Variants in SYT1 observed in about 807,000 individuals in gnomAD.
SYT1 encodes the protein synaptotagmin 1.
SYT1 carries 8 observed loss-of-function variants against 44.8 expected under a neutral mutation model. The ratio of observed to expected loss-of-function variants is 0.18; its 90% CI spans 0.10 to 0.32. The LOEUF (loss-of-function observed/expected upper bound fraction) is 0.32. SYT1 is among the 10% of genes least tolerant of loss of function. The pLI, the probability that SYT1 is intolerant of heterozygous loss-of-function variation, is 1.00. For synonymous variants in SYT1, 154 were observed against 188.8 expected, an observed-to-expected ratio of 0.82 and a Z score of 1.51; for missense variants, 286 against 509.3, an observed-to-expected ratio of 0.56 and a Z score of 4.22.
chr12:78,971,110 G>C (rs1868368505), intron 1 of SYT1, among the ~76,000 whole-genome samples: 1 of 152,162 alleles, frequency 6.6e-6, no homozygotes, highest in Non-Finnish European at 1.5e-5. Flanking sequence ...GTTGCAGTGA[G>C]TTGAGATTGC....
intron 1 of SYT1, among the ~76,000 whole-genome samples, chr12:78,889,737 A>G (rs1322037574): frequency 1.3e-5 from 2 of 152,008 alleles, no homozygotes; most frequent in Non-Finnish European, 2.9e-5. Flanking sequence ...GACTAATACA[A>G]TGATACATTG....
intron 2 of SYT1, among the ~76,000 whole-genome samples, chr12:79,040,212 TG>T (rs1873450238): frequency 6.6e-6 from 1 of 151,282 alleles, no homozygotes; most frequent in Non-Finnish European, 1.5e-5. Context: ...ACTTCCACAA[TG>T]GTTGAACTAG....
At position 79,424,953 on chromosome 12, in the gene SYT1, C is replaced by CTTTT. The variant is rs398040025; in HGVS notation, c.929-19104_929-19101dup. Among the ~76,000 whole-genome samples the CTTTT allele has an allele frequency of 7.1e-3, 608 of 85,178 alleles. 10 individuals are homozygous for CTTTT. The highest frequency in any genetic ancestry group is 0.018 in the African/African-American group (385 of 21,586). The allele number at this position is 85,178 out of a possible 152,430, so 55.9% of individuals were successfully genotyped here. A position where few individuals can be genotyped will look rare whatever the true frequency, so the allele number is the denominator to read the frequency against. On this transcript the variant is annotated intron_variant, in intron 9 of 10. Transcript: ENST00000261205. Reference sequence around the variant, plus strand: ...TGTTTTGCTTTTGATTTTTCTTCTTCTTTTTTTTTTTTTTTTTTTGAGACA... The same window carrying CTTTT: ...TGTTTTGCTTTTGATTTTTCTTCTTCTTTTTTTTTTTTTTTTTTTTTTTGAGACA...
intron 4 of SYT1, among the ~76,000 whole-genome samples, chr12:79,266,160 G>T (rs972177273): frequency 6.6e-6 from 1 of 152,072 alleles, no homozygotes; most frequent in Non-Finnish European, 1.5e-5. Flanking sequence ...TAAAGACTTA[G>T]CATGTACTTA....
chr12:79,312,919 A>G (rs1880882637), intron 8 of SYT1, among the ~76,000 whole-genome samples: 1 of 152,160 alleles, frequency 6.6e-6, no homozygotes, highest in African/African-American at 2.4e-5. Flanking sequence ...TGCTGCTACA[A>G]ATTAAAACCC....
intron 4 of SYT1, among the ~76,000 whole-genome samples, chr12:79,244,638 A>G (rs963378098): frequency 6.6e-6 from 1 of 150,912 alleles, no homozygotes; most frequent in African/African-American, 2.4e-5. Flanking sequence ...CAGGAGGCAG[A>G]GGTTGCAGTG....
chr12:79,450,635 A>G lies in SYT1; in HGVS notation c.*1511A>G, dbSNP rs996979663. On this transcript the variant is annotated 3_prime_UTR_variant, in exon 11 of 11. Transcript: ENST00000261205. ...TAGTTTCCTCAGTGGATAGCACTCA[A>G]TTTATTCCGTAGTGATATTGTAACA... 1.3e-5 allele frequency: 2 copies of G among 152,650 alleles called. No homozygotes were observed. The highest frequency in any genetic ancestry group is 2.9e-5 in the Non-Finnish European group (2 of 68,050). The allele number at this position is 152,650 out of a possible 1,614,324, so 9.5% of individuals were successfully genotyped here.
chr12:78,913,829 C>T (rs1876486456), intron 1 of SYT1, among the ~76,000 whole-genome samples: 1 of 151,838 alleles, frequency 6.6e-6, no homozygotes, highest in Non-Finnish European at 1.5e-5. Flanking sequence ...TCACTAGTCA[C>T]ATACATGGGG....
At chr12:79,275,400 A>G (rs1009705933) in intron 4 of SYT1, among the ~76,000 whole-genome samples, 2 of 152,090 alleles carry the variant, frequency 1.3e-5, no homozygotes, top group Non-Finnish European at 2.9e-5. Flanking sequence ...TTTCTGGAAC[A>G]TTTGGGGGTG....
At chr12:79,144,845 AT>A (rs1869778222) in intron 3 of SYT1, among the ~76,000 whole-genome samples, 1 of 152,210 alleles carries the variant, frequency 6.6e-6, no homozygotes. Flanking sequence ...GTTTCATCCT[AT>A]TTAGCTATAG....
intron 1 of SYT1, among the ~76,000 whole-genome samples, chr12:78,879,597 G>A (rs1027072587): frequency 3.8e-4 from 57 of 151,792 alleles, no homozygotes; most frequent in South Asian, 1.7e-3. Flanking sequence ...TGTTTCATAT[G>A]TCTCTCATTT....
chr12:79,056,178 C>G (rs187271429), intron 3 of SYT1, among the ~76,000 whole-genome samples: 8 of 151,956 alleles, frequency 5.3e-5, no homozygotes, highest in Non-Finnish European at 1.2e-4. Flanking sequence ...TCAGGATGTA[C>G]CCCTGTTGTT....
intron 3 of SYT1, among the ~76,000 whole-genome samples, chr12:79,133,017 C>T (rs1287272825): frequency 6.6e-6 from 1 of 152,090 alleles, no homozygotes; most frequent in African/African-American, 2.4e-5. Flanking sequence ...CACATGTTCT[C>T]ACTCATATGT....
At chr12:79,443,491 T>C (rs956039152) in intron 9 of SYT1, among the ~76,000 whole-genome samples, 4 of 152,226 alleles carry the variant, frequency 2.6e-5, no homozygotes, top group Admixed American at 2.0e-4. Context: ...TGAAGTTTCA[T>C]TGTGAAGACA....
At chr12:79,329,714 A>G (rs1881772023) in intron 8 of SYT1, among the ~76,000 whole-genome samples, 1 of 152,188 alleles carries the variant, frequency 6.6e-6, no homozygotes, top group Admixed American at 6.5e-5. Context: ...GGCAAGCCAG[A>G]GTTTCCAAGC....
chr12:79,074,037 T>A (rs1196122849), intron 3 of SYT1, among the ~76,000 whole-genome samples: 1 of 152,206 alleles, frequency 6.6e-6, no homozygotes, highest in Non-Finnish European at 1.5e-5. Flanking sequence ...AATAATGTGC[T>A]CACATTCCAT....
chr12:79,286,958 A>C (rs1255304085), intron 5 of SYT1, among the ~76,000 whole-genome samples: 1 of 152,180 alleles, frequency 6.6e-6, no homozygotes, highest in Non-Finnish European at 1.5e-5. Flanking sequence ...AATTCCTCTT[A>C]TACTATTAAT....
At chr12:79,253,722 G>T (rs189535697) in intron 4 of SYT1, among the ~76,000 whole-genome samples, 2 of 152,082 alleles carry the variant, frequency 1.3e-5, no homozygotes, top group Admixed American at 6.6e-5. Flanking sequence ...TAGTCATCTC[G>T]CACAACTTAG....
chr12:79,362,336 T>C (rs982508775), intron 9 of SYT1, among the ~76,000 whole-genome samples: 2 of 151,916 alleles, frequency 1.3e-5, no homozygotes, highest in African/African-American at 4.8e-5. Flanking sequence ...CAATTTAGAG[T>C]ATAGAGTAAT....
Sources: allele counts gnomAD v4.1 joint callset (sites outside exome capture counted in the v4.1 genomes callset), GRCh38; gene constraint gnomAD v4.1.1; transcripts MANE v1.5; gene names NCBI Gene and HGNC (gene_info 2026-07-23, HGNC 2026-07-21).